EFTUD2: variants seen among roughly 807,000 people sequenced by gnomAD.
EFTUD2 encodes the protein elongation factor Tu GTP binding domain containing 2.
A neutral mutation model predicts 114.3 loss-of-function variants in EFTUD2; 9 were observed. The ratio of observed to expected loss-of-function variants is 0.08; its 90% CI spans 0.05 to 0.14. The LOEUF (loss-of-function observed/expected upper bound fraction) is 0.14, where lower values mean the gene tolerates loss of function less well. Among genes scored for constraint, EFTUD2 ranks in the 10% least tolerant of loss-of-function variants. The probability of loss-of-function intolerance (pLI) is 1.00; values close to 1 mark genes in which losing one functional copy is unlikely to be tolerated. For missense variants in EFTUD2, 765 were observed against 1,241.2 expected (o/e 0.62, Z 5.76); for synonymous variants, 449 against 462.3 (o/e 0.97, Z 0.37).
At position 44,867,890 on chromosome 17, in the gene EFTUD2, A is replaced by G; in HGVS notation, c.1066T>C (p.Phe356Leu). The G allele has an allele frequency of 6.3e-7, 1 of 1,595,410 alleles. No individual in the cohort carries two copies. ...DIYFNPKTRKFTKKAPTSSSQ... is the reference protein window; with the variant it reads ...DIYFNPKTRKLTKKAPTSSSQ... ...CTGCTAGTTGGGGCCTTTTTGGTGA[A>G]CTTTCGCCTAAAAGGAAAAATAAGT... The change falls in exon 13 of 28, where the codon TTC (phenylalanine) becomes CTC (leucine). Residue 356 changes from phenylalanine (F) to leucine (L), a missense_variant. By Grantham distance (22) the Phe-to-Leu change is conservative. This residue lies in a region of EFTUD2 where 251 missense variants were observed against 357.7 expected (regional missense o/e 0.70). Transcript: ENST00000426333.
rs764840143 is a variant in EFTUD2, at chr17:44,852,550, A to C, written c.2574T>G (p.Thr858=). The C allele has an allele frequency of 5.6e-6, 9 of 1,613,974 alleles. No homozygotes were observed. In the African/African-American group the frequency reaches 1.2e-4, roughly 22 times the overall value. ...GGGAGCCTGGGATGGGTGCATCCTG[A>C]GTCACGTGCCCCCTGAGACAGAAAA... The part of the protein sequence containing the change: ...TVLARRRGHV[T]QDAPIPGSPL... The change falls in exon 26 of 28, where the codon ACT becomes ACG. Residue 858 remains threonine, a synonymous_variant. Coordinates refer to ENST00000426333, the MANE Select transcript of EFTUD2 (RefSeq NM_004247.4).
chr17:44,875,539 T>A (rs991588297), intron 10 of EFTUD2: 8 of 152,098 alleles, frequency 5.3e-5, no homozygotes, highest in African/African-American at 1.9e-4. Flanking sequence ...CAAAAAAAAA[T>A]AAATTAATTA....
intron 4 of EFTUD2, among the ~76,000 whole-genome samples, chr17:44,884,949 A>C (rs1468726134): frequency 6.6e-6 from 1 of 152,232 alleles, no homozygotes; most frequent in Non-Finnish European, 1.5e-5. Context: ...CAGCAGTCTT[A>C]TTGAGTCCAA....
In EFTUD2 at chr17:44,862,741, C is replaced by T. The variant is rs759514612; in HGVS notation, c.1579G>A (p.Val527Met). The T allele has an allele frequency of 2.5e-6, 4 of 1,613,944 alleles. No homozygotes were observed. The highest frequency in any genetic ancestry group is 3.4e-6 in the Non-Finnish European group (4 of 1,179,894). The change falls in exon 16 of 28, where the codon GTG (valine) becomes ATG (methionine). Residue 527 changes from valine (V) to methionine (M), a missense_variant. Val to Met is a conservative substitution (Grantham distance 21). Coordinates refer to ENST00000426333, the MANE Select transcript of EFTUD2 (RefSeq NM_004247.4). ...EDEEDSQICTVGRLWISVARY... is the reference protein window; with the variant it reads ...EDEEDSQICTMGRLWISVARY... ...GCCACAGAGATCCAAAGGCGGCCCA[C>T]GGTGCATATCTGGGAGTCTTCCTCA...
rs117345300 is a variant in EFTUD2 at position 44,852,391 on chromosome 17, C to G, written c.2715+18G>C. On this transcript the variant is annotated intron_variant, in intron 26 of 27. Transcript: ENST00000426333. The stretch of plus-strand genomic sequence containing the variant: ...AGAGGTGGGAAGCCAAGTCCGCCAG[C>G]CTGCATTGCTTTCTCACCTGCCAGT... 0.034 allele frequency: 54,698 copies of G among 1,613,486 alleles called. 1,116 individuals are homozygous for G. Among genetic ancestry groups the G allele is most frequent in the Non-Finnish European group, 0.04 (46,724 of 1,179,866 alleles).
chr17:44,867,906 A>G lies in EFTUD2; in HGVS notation c.1059-9T>C, dbSNP rs1389680458. On this transcript the variant is annotated splice_polypyrimidine_tract_variant and intron_variant, in intron 12 of 27. Coordinates refer to ENST00000426333, the MANE Select transcript of EFTUD2 (RefSeq NM_004247.4). The stretch of plus-strand genomic sequence containing the variant: ...TTTTGGTGAACTTTCGCCTAAAAGG[A>G]AAAATAAGTTCTGAGTGACCCAGGG... The G allele has an allele frequency of 1.3e-6, 2 of 1,583,238 alleles. No individual in the cohort carries two copies. The highest frequency in any genetic ancestry group is 4.5e-5 in the East Asian group (2 of 44,222).
At chr17:44,879,407 G>T in intron 9 of EFTUD2, 149 bp downstream of exon 9, 1 of 739,856 alleles carries the variant, frequency 1.4e-6, no homozygotes, top group Non-Finnish European at 2.2e-6. Context: ...TGAAACATTT[G>T]CTGCTTTAAT....
intron 10 of EFTUD2, among the ~76,000 whole-genome samples, chr17:44,873,980 C>T (rs1193988509): frequency 4.6e-5 from 7 of 150,960 alleles, no homozygotes; most frequent in South Asian, 2.1e-4. Flanking sequence ...ATGATCCGCC[C>T]GCCTCGGCCT....
At chr17:44,896,508 G>A (rs1416151103) in intron 1 of EFTUD2, among the ~76,000 whole-genome samples, 1 of 152,072 alleles carries the variant, frequency 6.6e-6, no homozygotes, top group Non-Finnish European at 1.5e-5. Context: ...TTAGCCAGGT[G>A]TGGTGGCACA....
At chr17:44,886,884 G>C (rs868161701) in intron 2 of EFTUD2, 134 bp from the exon 3 acceptor site, 1 of 1,413,842 alleles carries the variant, frequency 7.1e-7, no homozygotes, top group Non-Finnish European at 9.4e-7. Flanking sequence ...GCCAGTGGGG[G>C]AGGTTCCACT....
intron 10 of EFTUD2, 113 bp from the exon 11 acceptor site, chr17:44,872,683 C>A: frequency 7.3e-7 from 1 of 1,371,068 alleles, no homozygotes. Context: ...TCGGAAGGGA[C>A]TTGTGCAAGA....
At chr17:44,855,458 C>G (rs2050532599) in intron 20 of EFTUD2, among the ~76,000 whole-genome samples, 1 of 151,978 alleles carries the variant, frequency 6.6e-6, no homozygotes, top group South Asian at 2.1e-4. Flanking sequence ...GTAATCACAA[C>G]TACTCAGGTT....
rs891265483 is a variant in EFTUD2 at position 44,868,560 on chromosome 17, CA to C, written c.995-211del. ...AAAGTTGACAAGGCTGTGCTGGAGC[CA>C]AAATGAGAACCCAAGCCTCTCCATC... On this transcript the variant is annotated intron_variant, in intron 11 of 27. Transcript: ENST00000426333. The C allele has an allele frequency of 8.1e-5, 43 of 532,924 alleles. No individual in the cohort carries two copies. The African/African-American group carries it at 8.1e-4, about 10-fold the overall frequency. The allele number at this position is 532,924 out of a possible 1,614,324, so 33.0% of individuals were successfully genotyped here.
At chr17:44,893,064 T>C (rs2051311162) in intron 2 of EFTUD2, among the ~76,000 whole-genome samples, 1 of 151,886 alleles carries the variant, frequency 6.6e-6, no homozygotes, top group African/African-American at 2.4e-5. Context: ...AGTAATCCTA[T>C]CAAGAGAAAA....
At chr17:44,876,872 A>AAC (rs1567746069) in intron 9 of EFTUD2, among the ~76,000 whole-genome samples, 1 of 150,184 alleles carries the variant, frequency 6.7e-6, no homozygotes, top group Non-Finnish European at 1.5e-5. Flanking sequence ...AAAAAAAAAA[A>AAC]AAAAAAAAAC....
chr17:44,865,277 C>T (rs567407383), intron 13 of EFTUD2: 186 of 556,528 alleles, frequency 3.3e-4, no homozygotes, highest in Admixed American at 1.1e-3. Flanking sequence ...TTGGTTACAT[C>T]CCCATCCCAG....
At chr17:44,892,202 G>C (rs1352613181) in intron 2 of EFTUD2, 1 of 152,192 alleles carries the variant, frequency 6.6e-6, no homozygotes, top group East Asian at 1.9e-4. Context: ...CTAATAGGCT[G>C]AATGACGGGG....
intron 14 of EFTUD2, among the ~76,000 whole-genome samples, chr17:44,864,423 T>A (rs77069755): frequency 0.015 from 2,228 of 152,286 alleles, 25 homozygotes; most frequent in Non-Finnish European, 0.025. Context: ...ATTTTACAGA[T>A]AACAAATCAG....
intron 9 of EFTUD2, among the ~76,000 whole-genome samples, chr17:44,876,516 A>AC (rs2050952324): frequency 6.6e-6 from 1 of 152,054 alleles, no homozygotes; most frequent in Non-Finnish European, 1.5e-5. Flanking sequence ...GAAGCAATGT[A>AC]CCCCAGTAGC....
Sources: gnomAD v4.1 joint callset for allele counts (sites outside exome capture counted in the v4.1 genomes callset) on GRCh38, gnomAD v4.1.1 for gene constraint, gnomAD v4.1.1 regional missense constraint, MANE v1.5 for transcripts, NCBI Gene and HGNC (gene_info 2026-07-23, HGNC 2026-07-21) for gene names.